The following ACTN4 variants were observed in gnomAD, a reference collection of about 807,000 sequenced individuals.
ACTN4 encodes actinin alpha 4.
In ACTN4, 18 loss-of-function variants were observed where a neutral mutation model predicts 114.2. The ratio of observed to expected loss-of-function variants is 0.16; its 90% CI spans 0.11 to 0.23. The LOEUF (loss-of-function observed/expected upper bound fraction) is 0.23, where lower values mean the gene tolerates loss of function less well. Ranked by LOEUF, ACTN4 falls within the 10% of genes least tolerant of loss-of-function variation. ACTN4 has a pLI of 1.00. For synonymous variants in ACTN4, 515 were observed against 506.3 expected (o/e 1.02, Z -0.23); for missense variants, 722 against 1,262.9 (o/e 0.57, Z 6.49).
intron 1 of ACTN4, 64 bp from the exon 2 acceptor site, chr19:38,700,534 GGT>G (rs1968237100): frequency 1.5e-6 from 2 of 1,357,868 alleles, no homozygotes; most frequent in Non-Finnish European, 2.1e-6. Context: ...CGGCCCTGCA[GGT>G]GTGTGGAGAG....
chr19:38,684,969 C>T (rs371847208), intron 1 of ACTN4, among the ~76,000 whole-genome samples: 147 of 152,136 alleles, frequency 9.7e-4, no homozygotes, highest in African/African-American at 3.5e-3. Flanking sequence ...TTGTTTGAGA[C>T]GGAATCTCGC....
At chr19:38,705,044 C>A (rs749014200) in intron 4 of ACTN4, 24 bp downstream of exon 4, 2 of 1,601,702 alleles carry the variant, frequency 1.2e-6, no homozygotes, top group Non-Finnish European at 1.7e-6. Flanking sequence ...GTACTGCCCC[C>A]GCTTCCCACC....
At position 38,701,007 on chromosome 19, in the gene ACTN4, C is replaced by G; in HGVS notation, c.283C>G (p.Arg95Gly). 6.2e-7 allele frequency: 1 copy of G among 1,613,862 alleles called. No homozygotes were observed. Residue 95 changes from arginine to glycine, a missense_variant, in exon 3 of 21, where the codon CGG becomes GGG. Physicochemically the swap from Arg to Gly is moderately radical, Grantham distance 125. Around this residue, in one of 3 missense-constraint regions of ACTN4, gnomAD observed 127 missense variants for 311.3 expected, o/e 0.41. Coordinates refer to ENST00000252699, the MANE Select transcript of ACTN4 (RefSeq NM_004924.6). ...MLLLEVISGE[R>G]LPKPERGKMR... is the part of the protein sequence containing the mutation. Reference sequence around the variant, plus strand: ...TCTCTTTGTGCACTTCTCAGGGGAGCGGTTACCTAAGCCGGAGCGGGGGAA... The same window carrying G: ...TCTCTTTGTGCACTTCTCAGGGGAGGGGTTACCTAAGCCGGAGCGGGGGAA...
intron 19 of ACTN4, among the ~76,000 whole-genome samples, chr19:38,728,716 AC>A (rs1472098167): frequency 2.6e-5 from 4 of 151,938 alleles, no homozygotes; most frequent in Non-Finnish European, 2.9e-5. Context: ...AGGGCAGTAG[AC>A]CCCAGTTCCC....
intron 5 of ACTN4, among the ~76,000 whole-genome samples, chr19:38,706,534 C>T (rs1175289522): frequency 1.3e-5 from 2 of 152,372 alleles, no homozygotes; most frequent in South Asian, 2.1e-4. Context: ...CTGTCTCAGC[C>T]TCCCAAGTAG....
intron 1 of ACTN4, among the ~76,000 whole-genome samples, chr19:38,666,325 A>G (rs1205007734): frequency 6.6e-6 from 1 of 152,156 alleles, no homozygotes; most frequent in East Asian, 1.9e-4. Flanking sequence ...CCTGAAGCAA[A>G]TTTGGAAAAT....
intron 1 of ACTN4, among the ~76,000 whole-genome samples, chr19:38,699,624 A>G (rs554321974): frequency 1.3e-5 from 2 of 152,090 alleles, no homozygotes; most frequent in African/African-American, 2.4e-5. Context: ...GCATGTTGGC[A>G]TACACCCGTA....
chr19:38,694,219 C>A (rs114214317), intron 1 of ACTN4, among the ~76,000 whole-genome samples: 4 of 150,720 alleles, frequency 2.7e-5, no homozygotes, highest in Admixed American at 2.6e-4. Context: ...GCCTTGTTCT[C>A]TGAGTTTACC....
chr19:38,700,786 C>T lies in ACTN4; in HGVS notation c.277+72C>T, dbSNP rs1968246586. On this transcript the variant is annotated intron_variant, in intron 2 of 20. Coordinates refer to ENST00000252699, the MANE Select transcript of ACTN4 (RefSeq NM_004924.6). ...TCTGCCACAGCGGTCCCCAGAGACC[C>T]TGCCCACCCAGCTGTCCCATTGCTC... 1.1e-5 allele frequency: 16 copies of T among 1,468,624 alleles called. No homozygotes were observed. In the South Asian group the frequency reaches 1.8e-4, roughly 17 times the overall value. The allele number at this position is 1,468,624 out of a possible 1,614,324, so 91.0% of individuals were successfully genotyped here.
At chr19:38,673,674 T>TTATATATATTTATATATTTATATATATTA (rs549326584) in intron 1 of ACTN4, among the ~76,000 whole-genome samples, 1 of 67,598 alleles carries the variant, frequency 1.5e-5, no homozygotes, top group African/African-American at 8.2e-5. Context: ...TTATATATAT[T>TTATATATATTTATATATTTATATATATTA]TATATATTTA....
chr19:38,680,495 T>C lies in ACTN4; in HGVS notation c.163-20105T>C, dbSNP rs562923671. On this transcript the variant is annotated intron_variant, in intron 1 of 20. Transcript: ENST00000252699. ...CACTGCGCCCGGCCTCAGGAAGTAGTTGAATGAGTGACTGAATGAATGCCC... is the reference window on the plus strand; with the variant it reads ...CACTGCGCCCGGCCTCAGGAAGTAGCTGAATGAGTGACTGAATGAATGCCC... Among the ~76,000 whole-genome samples, 25 of 152,140 alleles carry C rather than the reference T, an allele frequency of 1.6e-4. No homozygotes were observed. The South Asian group carries it at 5.2e-3, about 32-fold the overall frequency.
chr19:38,673,475 T>TATATATTTATATATATTCA (rs1555826087), intron 1 of ACTN4, among the ~76,000 whole-genome samples: 5,477 of 52,464 alleles, frequency 0.1, 430 homozygotes, highest in Non-Finnish European at 0.17. Flanking sequence ...TTATATATAT[T>TATATATTTATATATATTCA]TATATATATA....
chr19:38,722,963 G>A lies in ACTN4; in HGVS notation c.1443-651G>A, dbSNP rs532083258. On this transcript the variant is annotated intron_variant, in intron 12 of 20. Coordinates refer to ENST00000252699, the MANE Select transcript of ACTN4 (RefSeq NM_004924.6). ...GGGGAATTACAGAGGCCTGTGGACC[G>A]TCCAGGATGAGCCGGATGGGCAGCC... Among the ~76,000 whole-genome samples the A allele has an allele frequency of 2.0e-4, 30 of 152,314 alleles. No individual in the cohort carries two copies. In the South Asian group the frequency reaches 5.6e-3, roughly 28 times the overall value.
intron 1 of ACTN4, among the ~76,000 whole-genome samples, chr19:38,652,977 T>G (rs1325112914): frequency 6.6e-6 from 1 of 151,614 alleles, no homozygotes; most frequent in Non-Finnish European, 1.5e-5. Context: ...TCCCAGCTAC[T>G]TGGGAGGCTG....
intron 2 of ACTN4, 42 bp from the exon 3 acceptor site, chr19:38,700,960 C>G (rs1292870987): frequency 3.7e-6 from 6 of 1,608,860 alleles, no homozygotes; most frequent in African/African-American, 1.3e-5. Context: ...CCCTTTCTCT[C>G]TCTCTGTCTC....
At chr19:38,652,584 A>G (rs1976597668) in intron 1 of ACTN4, among the ~76,000 whole-genome samples, 2 of 152,096 alleles carry the variant, frequency 1.3e-5, no homozygotes, top group Non-Finnish European at 2.9e-5. Context: ...CAGGGAGGCT[A>G]CTTTGGTGGC....
intron 1 of ACTN4, among the ~76,000 whole-genome samples, chr19:38,672,446 G>A (rs1045858166): frequency 6.6e-6 from 1 of 151,616 alleles, no homozygotes; most frequent in East Asian, 1.9e-4. Context: ...TCTCCATGTT[G>A]GCCAGGCTGG....
chr19:38,665,240 G>A (rs3786835), intron 1 of ACTN4, among the ~76,000 whole-genome samples: 58,533 of 152,026 alleles, frequency 0.39, 12,268 homozygotes, highest in Non-Finnish European at 0.46. Context: ...GAGGGAGGCC[G>A]ACCTGGGCTC....
At chr19:38,689,233 A>G (rs144422638) in intron 1 of ACTN4, among the ~76,000 whole-genome samples, 3 of 152,380 alleles carry the variant, frequency 2.0e-5, no homozygotes, top group South Asian at 2.1e-4. Context: ...ATACAATGGA[A>G]TGTTATTCAG....
Sources: gnomAD v4.1 joint callset for allele counts (sites outside exome capture counted in the v4.1 genomes callset) on GRCh38, gnomAD v4.1.1 for gene constraint, gnomAD v4.1.1 regional missense constraint, MANE v1.5 for transcripts, NCBI Gene and HGNC (gene_info 2026-07-23, HGNC 2026-07-21) for gene names.